HELQ: variants seen among roughly 807,000 people sequenced by gnomAD.
HELQ encodes helicase POLQ-like.
Under a neutral mutation model 111.6 loss-of-function variants are expected in HELQ, and 77 were observed. The ratio of observed to expected loss-of-function variants is 0.69; its 90% confidence interval spans 0.57 to 0.83. The LOEUF (loss-of-function observed/expected upper bound fraction) is 0.83. Ranked by LOEUF, HELQ falls within the 40% of genes least tolerant of loss-of-function variation. The pLI, the probability that HELQ is intolerant of heterozygous loss-of-function variation, is 0.00. For synonymous variants in HELQ, 438 were observed against 454.7 expected (o/e 0.96, Z 0.47); for missense variants, 1,200 against 1,288.5 (o/e 0.93, Z 1.05).
chr4:83,407,572 A>T lies in HELQ; in HGVS notation c.3199-12T>A. The T allele has an allele frequency of 1.9e-6, 3 of 1,594,778 alleles. No homozygotes were observed. Among genetic ancestry groups the T allele is most frequent in the Non-Finnish European group, 2.6e-6 (3 of 1,166,476 alleles). On this transcript the variant is annotated splice_polypyrimidine_tract_variant and intron_variant, in intron 17 of 17. Transcript: ENST00000295488. ...TCATGCAACAGCATCTACATTAAAA[A>T]ATTAAGACGTGAGGCCAAAATATGC...
In HELQ at chr4:83,429,511, G is replaced by A; in HGVS notation, c.2518+13C>T. 3 of 1,493,362 alleles carry A rather than the reference G, an allele frequency of 2.0e-6. No homozygotes were observed. The highest frequency in any genetic ancestry group is 2.8e-6 in the Non-Finnish European group (3 of 1,079,956). The allele number at this position is 1,493,362 out of a possible 1,614,324, so 92.5% of individuals were successfully genotyped here. On this transcript the variant is annotated intron_variant, in intron 12 of 17. Coordinates refer to ENST00000295488, the MANE Select transcript of HELQ (RefSeq NM_133636.5). Reference sequence around the variant, plus strand: ...TGTTTCCTATGATCAATAAGATTTAGGTAAACTCTTACCCTTAAATGAAGC... The same window carrying A: ...TGTTTCCTATGATCAATAAGATTTAAGTAAACTCTTACCCTTAAATGAAGC...
At chr4:83,445,358 G>A (rs1383968798) in intron 5 of HELQ, among the ~76,000 whole-genome samples, 1 of 152,128 alleles carries the variant, frequency 6.6e-6, no homozygotes, top group Non-Finnish European at 1.5e-5. Context: ...ATTATAAAAT[G>A]CTATAACCTG....
intron 16 of HELQ, 38 bp downstream of exon 16, chr4:83,418,055 C>T (rs372182349): frequency 3.3e-5 from 37 of 1,136,900 alleles, no homozygotes; most frequent in Non-Finnish European, 4.7e-5. Context: ...TGTATTAATT[C>T]AACATAATTT....
intron 17 of HELQ, among the ~76,000 whole-genome samples, chr4:83,411,085 G>C (rs866363086): frequency 1.4e-4 from 21 of 150,712 alleles, no homozygotes; most frequent in Middle Eastern, 3.4e-3. Flanking sequence ...ACCTGAGCTT[G>C]GGAGGCTAAG....
chr4:83,428,359 A>G (rs1719954375), intron 12 of HELQ, among the ~76,000 whole-genome samples: 1 of 151,778 alleles, frequency 6.6e-6, no homozygotes, highest in African/African-American at 2.4e-5. Context: ...ATTAAAAAAA[A>G]GCCTCAGCCT....
In HELQ at chr4:83,431,655, GA is replaced by G; in HGVS notation, c.2295+8del. On this transcript the variant is annotated splice_region_variant and intron_variant, in intron 11 of 17. Coordinates refer to ENST00000295488, the MANE Select transcript of HELQ (RefSeq NM_133636.5). ...AACAGTAATAAGATAAAAAATTTAA[GA>G]AAAATACCTTCAAACCAATCAAAGA... 6.8e-7 allele frequency: 1 copy of G among 1,477,036 alleles called. No homozygotes were observed. Among genetic ancestry groups the G allele is most frequent in the Non-Finnish European group, 9.2e-7 (1 of 1,086,314 alleles). 91.5% of individuals were successfully genotyped at this position (1,477,036 alleles called of 1,614,324 possible). A position where few individuals can be genotyped will look rare whatever the true frequency, so the allele number is the denominator to read the frequency against.
chr4:83,455,720 C>T lies in HELQ; in HGVS notation c.-27G>A. 6.5e-7 allele frequency: 1 copy of T among 1,542,328 alleles called. No individual in the cohort carries two copies. The highest frequency in any genetic ancestry group is 8.5e-7 in the Non-Finnish European group (1 of 1,170,844). On this transcript the variant is annotated 5_prime_UTR_variant, in exon 1 of 18. Transcript: ENST00000295488. ...GCAAGGACCCAGGGCCCTATTCAGA[C>T]GTCGTTCTCAGTGACCCAGACGCTA...
chr4:83,436,510 G>C (rs1720469216), intron 9 of HELQ, among the ~76,000 whole-genome samples: 1 of 151,980 alleles, frequency 6.6e-6, no homozygotes, highest in Non-Finnish European at 1.5e-5. Flanking sequence ...AGATTTCAAG[G>C]AAATCTCTAT....
At chr4:83,448,556 G>A (rs1001634541) in intron 3 of HELQ, among the ~76,000 whole-genome samples, 3 of 151,684 alleles carry the variant, frequency 2.0e-5, no homozygotes, top group African/African-American at 4.8e-5. Context: ...TGTAATCCCA[G>A]CTACTCAGGA....
chr4:83,433,705 G>A (rs990424082), intron 9 of HELQ, among the ~76,000 whole-genome samples: 2 of 148,884 alleles, frequency 1.3e-5, no homozygotes, highest in African/African-American at 2.5e-5. Flanking sequence ...ACTATTGGCC[G>A]TGTGTGGTAG....
chr4:83,450,037 G>A (rs922537733), intron 2 of HELQ, among the ~76,000 whole-genome samples: 4 of 151,446 alleles, frequency 2.6e-5, no homozygotes, highest in Non-Finnish European at 5.9e-5. Flanking sequence ...TATTACTTTT[G>A]GGATTCTACA....
chr4:83,425,279 CAAA>C (rs11319573), intron 14 of HELQ, among the ~76,000 whole-genome samples: 9 of 70,364 alleles, frequency 1.3e-4, no homozygotes, highest in Non-Finnish European at 1.7e-4. Context: ...GACTGCACCT[CAAA>C]AAAAAAAAAA....
Position 83,446,001 on chromosome 4 carries a change from A to G in HELQ, c.1465+13T>C. The stretch of plus-strand genomic sequence containing the variant: ...ATAAATCAATTCATGACCTCATTTG[A>G]AAAAATACTTACTGCTAGTGTAGAG... On this transcript the variant is annotated intron_variant, in intron 5 of 17. Coordinates refer to ENST00000295488, the MANE Select transcript of HELQ (RefSeq NM_133636.5). The G allele has an allele frequency of 1.9e-6, 3 of 1,554,034 alleles. No individual in the cohort carries two copies. The highest frequency in any genetic ancestry group is 2.2e-5 in the South Asian group (2 of 89,310).
intron 9 of HELQ, among the ~76,000 whole-genome samples, chr4:83,435,429 G>A (rs546810485): frequency 6.6e-6 from 1 of 152,108 alleles, no homozygotes; most frequent in South Asian, 2.1e-4. Context: ...AATCCCTAAA[G>A]GAAAAAAATT....
At chr4:83,434,279 G>A (rs1437405224) in intron 9 of HELQ, among the ~76,000 whole-genome samples, 1 of 152,000 alleles carries the variant, frequency 6.6e-6, no homozygotes, top group Non-Finnish European at 1.5e-5. Flanking sequence ...GCTGAGGCAG[G>A]AGAATCGCTT....
At position 83,436,944 on chromosome 4, in the gene HELQ, G is replaced by C; in HGVS notation, c.1962C>G (p.Leu654=). The change falls in exon 9 of 18, where the codon CTC becomes CTG. Residue 654 remains leucine, a synonymous_variant. Coordinates refer to ENST00000295488, the MANE Select transcript of HELQ (RefSeq NM_133636.5). ...CTCCTGTGGAGTAGGCCTCCTCCAA[G>C]AGTTTCCTTTCATCACTTGTTAAGC... ...HSGLTSDERK[L]LEEAYSTGVL... The C allele has an allele frequency of 2.5e-6, 4 of 1,614,192 alleles. No homozygotes were observed. The highest frequency in any genetic ancestry group is 3.4e-6 in the Non-Finnish European group (4 of 1,180,026).
Position 83,436,951 on chromosome 4 carries a change from C to T in HELQ, c.1955G>A (p.Arg652Lys). 1 of 1,614,166 alleles carries T rather than the reference C, an allele frequency of 6.2e-7. No individual in the cohort carries two copies. The highest frequency in any genetic ancestry group is 8.5e-7 in the Non-Finnish European group (1 of 1,180,020). Residue 652 changes from arginine to lysine, a missense_variant, in exon 9 of 18, where the codon AGG becomes AAG. Transcript: ENST00000295488. ...GGAGTAGGCCTCCTCCAAGAGTTTC[C>T]TTTCATCACTTGTTAAGCCACTGTG... The part of the protein sequence containing the change: ...YHHSGLTSDE[R>K]KLLEEAYSTG...
At chr4:83,454,957 C>T (rs1032777394) in intron 1 of HELQ, among the ~76,000 whole-genome samples, 5 of 152,144 alleles carry the variant, frequency 3.3e-5, no homozygotes, top group Admixed American at 6.5e-5. Context: ...TGGTCTGCTA[C>T]ACAGAAGACA....
intron 2 of HELQ, among the ~76,000 whole-genome samples, chr4:83,451,705 T>C (rs923863617): frequency 1.3e-5 from 2 of 150,400 alleles, no homozygotes; most frequent in Admixed American, 1.3e-4. Flanking sequence ...AAAAGATGAG[T>C]TAGATAGAGC....
Sources: allele counts gnomAD v4.1 joint callset (sites outside exome capture counted in the v4.1 genomes callset), GRCh38; gene constraint gnomAD v4.1.1; transcripts MANE v1.5; gene names NCBI Gene and HGNC (gene_info 2026-07-23, HGNC 2026-07-21).